ERC2: variants seen among roughly 807,000 people sequenced by gnomAD.
ERC2 encodes ERC protein 2.
Under a neutral mutation model 114.8 loss-of-function variants are expected in ERC2, and 42 were observed. The observed-to-expected ratio is 0.37, with a 90% CI of 0.29 to 0.47. ERC2 has a LOEUF of 0.47. Among genes scored for constraint, ERC2 ranks in the 20% least tolerant of loss-of-function variants. The pLI, the probability that ERC2 is intolerant of heterozygous loss-of-function variation, is 0.99. For missense variants in ERC2, 939 were observed against 1,150.7 expected, an observed-to-expected ratio of 0.82 and a Z score of 2.66; for synonymous variants, 454 against 425.5, an observed-to-expected ratio of 1.07 and a Z score of -0.82.
At chr3:56,309,376 G>A (rs957417052) in intron 2 of ERC2, among the ~76,000 whole-genome samples, 2 of 152,174 alleles carry the variant, frequency 1.3e-5, no homozygotes, top group African/African-American at 2.4e-5. Flanking sequence ...AGCCCTCTTG[G>A]CAGTTGCTTT....
intron 2 of ERC2, among the ~76,000 whole-genome samples, chr3:56,367,480 C>G (rs960136524): frequency 6.6e-6 from 1 of 152,092 alleles, no homozygotes; most frequent in Non-Finnish European, 1.5e-5. Flanking sequence ...CAACTCTTCT[C>G]TTTGTCAAAA....
chr3:56,089,900 G>A (rs966566330), intron 6 of ERC2, among the ~76,000 whole-genome samples: 1 of 152,150 alleles, frequency 6.6e-6, no homozygotes, highest in Admixed American at 6.5e-5. Flanking sequence ...ACAGAGAGCT[G>A]AAACTTCAAG....
Position 55,699,397 on chromosome 3 carries a change from T to C in ERC2, c.2828A>G (p.His943Arg). The change falls in exon 16 of 18, where the codon CAC becomes CGC. Residue 943 changes from histidine to arginine, a missense_variant. Physicochemically the swap from His to Arg is conservative, Grantham distance 29. Around this residue, in one of 5 missense-constraint regions of ERC2, gnomAD observed 328 missense variants for 353.9 expected, o/e 0.93. Coordinates refer to ENST00000288221, the MANE Select transcript of ERC2 (RefSeq NM_015576.3). ...RSPGRSQHSNHRPSPDQDDEE... is the reference protein window; with the variant it reads ...RSPGRSQHSNRRPSPDQDDEE... ...ACTGACCTGGTCCGGAGAGGGCCTG[T>C]GATTGGAATGTTGCGACCTCCCAGG... 3 of 1,613,842 alleles carry C rather than the reference T, an allele frequency of 1.9e-6. No homozygotes were observed. The South Asian group carries it at 3.3e-5, about 18-fold the overall frequency.
chr3:56,383,524 C>G (rs1457604262), intron 2 of ERC2, among the ~76,000 whole-genome samples: 1 of 152,188 alleles, frequency 6.6e-6, no homozygotes, highest in African/African-American at 2.4e-5. Context: ...TTCCCAACAT[C>G]TATCACAGTG....
chr3:55,658,138 G>C (rs1257739054), intron 17 of ERC2: 1 of 152,160 alleles, frequency 6.6e-6, no homozygotes, highest in African/African-American at 2.4e-5. Flanking sequence ...TTTGGGCACA[G>C]GTGAATTCGG....
rs367691884 is a variant in ERC2, at chr3:56,368,750, T to C, written c.657+65601A>G. The stretch of plus-strand genomic sequence containing the variant: ...TATGCCCAGCTTGTCAAAAACAGGT[T>C]AAGGCCCCCTTCCCACAACATCGTC... On this transcript the variant is annotated intron_variant, in intron 2 of 17. Transcript: ENST00000288221. Among the ~76,000 whole-genome samples, 45 of 152,078 alleles carry C rather than the reference T, an allele frequency of 3.0e-4. 1 individual carries two copies. The highest frequency in any genetic ancestry group is 1.6e-3 in the Admixed American group (24 of 15,254).
intron 2 of ERC2, among the ~76,000 whole-genome samples, chr3:56,325,094 C>T (rs2057297374): frequency 6.6e-6 from 1 of 151,886 alleles, no homozygotes; most frequent in African/African-American, 2.4e-5. Context: ...ATTTGTGTGT[C>T]TATCTTCCAA....
At chr3:55,651,141 G>A (rs569018721) in intron 17 of ERC2, among the ~76,000 whole-genome samples, 8 of 150,640 alleles carry the variant, frequency 5.3e-5, no homozygotes, top group South Asian at 2.1e-4. Flanking sequence ...GATTACAGGC[G>A]TGAGCCACTG....
intron 3 of ERC2, among the ~76,000 whole-genome samples, chr3:56,208,695 G>A (rs1474658242): frequency 6.6e-6 from 1 of 152,150 alleles, no homozygotes; most frequent in Non-Finnish European, 1.5e-5. Flanking sequence ...TTAACTCAGT[G>A]ACAAAAGACA....
intron 6 of ERC2, among the ~76,000 whole-genome samples, chr3:56,097,280 A>G (rs1159448067): frequency 6.6e-6 from 1 of 152,166 alleles, no homozygotes; most frequent in Non-Finnish European, 1.5e-5. Flanking sequence ...TATAAAAACT[A>G]AGCTGGAAGC....
chr3:56,173,595 C>T (rs2082801226), intron 3 of ERC2, 75 bp from the exon 4 acceptor site: 1 of 1,408,244 alleles, frequency 7.1e-7, no homozygotes, highest in Non-Finnish European at 1.0e-6. Flanking sequence ...ACAGGTACTA[C>T]ACAGCCTGCT....
intron 3 of ERC2, among the ~76,000 whole-genome samples, chr3:56,242,127 G>C (rs1213758573): frequency 6.6e-6 from 1 of 152,156 alleles, no homozygotes; most frequent in African/African-American, 2.4e-5. Flanking sequence ...GCACACCATG[G>C]AATACTACTC....
At chr3:56,032,891 G>GAC in intron 7 of ERC2, among the ~76,000 whole-genome samples, 5 of 106,574 alleles carry the variant, frequency 4.7e-5, no homozygotes, top group Middle Eastern at 4.1e-3. Flanking sequence ...AAGAAAGAGA[G>GAC]AGAGAGAGAC....
intron 14 of ERC2, among the ~76,000 whole-genome samples, chr3:55,842,408 T>C (rs2061172512): frequency 1.3e-5 from 2 of 152,192 alleles, no homozygotes; most frequent in African/African-American, 4.8e-5. Flanking sequence ...CAGCTCTCCT[T>C]GTCTCTGAAG....
intron 1 of ERC2, among the ~76,000 whole-genome samples, chr3:56,450,563 A>G (rs2062783442): frequency 6.6e-6 from 1 of 152,248 alleles, no homozygotes; most frequent in Non-Finnish European, 1.5e-5. Flanking sequence ...TGGTAAGCTC[A>G]TGCCTATAAT....
At chr3:56,417,979 G>C (rs191172407) in intron 2 of ERC2, among the ~76,000 whole-genome samples, 212 of 152,260 alleles carry the variant, frequency 1.4e-3, no homozygotes, top group African/African-American at 4.9e-3. Context: ...AGGTTCATCA[G>C]AAGTACTGAA....
rs752148436 is a variant in ERC2, at chr3:56,354,575, AAT to A, written c.658-58142_658-58141del. 3.9e-4 allele frequency among the ~76,000 whole-genome samples: 59 copies of A among 152,270 alleles called. 1 individual carries two copies. The Middle Eastern group carries it at 0.01, about 26-fold the overall frequency. Reference sequence around the variant, plus strand: ...AATGGTACTGATCTTGAGAAATCCTAATATGTATCACTGTAAAATGCTCTACT... The same window carrying A: ...AATGGTACTGATCTTGAGAAATCCTAATGTATCACTGTAAAATGCTCTACT... On this transcript the variant is annotated intron_variant, in intron 2 of 17. Transcript: ENST00000288221.
chr3:55,924,404 C>A (rs982960970), intron 13 of ERC2, among the ~76,000 whole-genome samples: 1 of 152,086 alleles, frequency 6.6e-6, no homozygotes, highest in Non-Finnish European at 1.5e-5. Context: ...GAGAGGGATC[C>A]AGGTTTGGCC....
At chr3:55,854,845 T>C (rs75539515) in intron 14 of ERC2, among the ~76,000 whole-genome samples, 48 of 148,844 alleles carry the variant, frequency 3.2e-4, no homozygotes, top group Non-Finnish European at 6.6e-4. Flanking sequence ...AAACTGGGGA[T>C]GGGGAAGGAG....
Sources: gnomAD v4.1 joint callset for allele counts (sites outside exome capture counted in the v4.1 genomes callset) on GRCh38, gnomAD v4.1.1 for gene constraint, gnomAD v4.1.1 regional missense constraint, MANE v1.5 for transcripts, NCBI Gene and HGNC (gene_info 2026-07-23, HGNC 2026-07-21) for gene names.